The following DMD variants were observed in gnomAD, a reference collection of about 807,000 sequenced individuals.
DMD encodes the protein dystrophin.
Under a neutral mutation model 330.1 loss-of-function variants are expected in DMD, and 63 were observed. The observed-to-expected ratio is 0.19, with a 90% CI of 0.16 to 0.24. DMD has a LOEUF of 0.24. Among genes scored for constraint, DMD ranks in the 10% least tolerant of loss-of-function variants. DMD has a pLI of 1.00. For missense variants in DMD, 3,344 were observed against 2,684.1 expected (o/e 1.25, Z -5.43); for synonymous variants, 1,223 against 959.8 (o/e 1.27, Z -5.07).
intron 18 of DMD, among the ~76,000 whole-genome samples, chrX:32,509,189 TAAAAAA>T (rs76536849): frequency 5.8e-4 from 50 of 86,259 alleles, no homozygotes; most frequent in South Asian, 4.4e-3. Flanking sequence ...TAAAAAGTGT[TAAAAAA>T]AAAAAAAAAA....
At chrX:32,635,505 A>T (rs1156934845) in intron 11 of DMD, among the ~76,000 whole-genome samples, 1 of 112,169 alleles carries the variant, frequency 8.9e-6, no homozygotes, top group Non-Finnish European at 1.9e-5. Flanking sequence ...AGATATTTTT[A>T]AAATGTATGG....
intron 7 of DMD, among the ~76,000 whole-genome samples, chrX:32,746,465 G>A (rs1205542824): frequency 4.5e-5 from 5 of 111,730 alleles, no homozygotes; most frequent in Non-Finnish European, 5.6e-5. Context: ...CAGCATCAGC[G>A]TCACCTGGGA....
chrX:31,593,478 C>T (rs781205380), intron 55 of DMD, among the ~76,000 whole-genome samples: 2 of 111,377 alleles, frequency 1.8e-5, no homozygotes, highest in Non-Finnish European at 3.8e-5. Context: ...TGAAACTTTA[C>T]TCAATTGATG....
At chrX:31,590,423 C>A (rs1035398167) in intron 55 of DMD, among the ~76,000 whole-genome samples, 6 of 111,610 alleles carry the variant, frequency 5.4e-5, no homozygotes, top group Admixed American at 3.8e-4. Flanking sequence ...AGAACGACAT[C>A]ACCCACAAGA....
At chrX:32,821,351 G>A (rs773991816) in intron 5 of DMD, among the ~76,000 whole-genome samples, 135 of 110,903 alleles carry the variant, frequency 1.2e-3, no homozygotes, top group African/African-American at 4.3e-3. Context: ...TTGGGAGGCC[G>A]AGGCAGGAGG....
chrX:32,579,021 G>C (rs978736901), intron 13 of DMD, among the ~76,000 whole-genome samples: 3 of 110,887 alleles, frequency 2.7e-5, no homozygotes, highest in African/African-American at 9.9e-5. Context: ...TCTTACTGAT[G>C]TTGAAATGGA....
rs1335517714 is a variant in DMD, at chrX:32,645,005, T to G, written c.1108A>C (p.Asn370His). 2 of 1,209,891 alleles carry G rather than the reference T, an allele frequency of 1.7e-6. No individual in the cohort carries two copies. The highest frequency in any genetic ancestry group is 3.5e-5 in the African/African-American group (2 of 57,157). The change falls in exon 10 of 79, where the codon AAT (asparagine) becomes CAT (histidine). Residue 370 changes from asparagine to histidine, a missense_variant. Transcript: ENST00000357033. Reference protein sequence around the residue: ...DTLQAQGEISNDVEVVKDQFH... With the variant: ...DTLQAQGEISHDVEVVKDQFH... ...TGGTCTTTCACCACTTCCACATCAT[T>G]AGAAATCTCTCCTTGTGCTTGCAAT...
At chrX:31,999,886 C>T (rs1393570000) in intron 44 of DMD, among the ~76,000 whole-genome samples, 6 of 111,942 alleles carry the variant, frequency 5.4e-5, no homozygotes, top group Non-Finnish European at 3.8e-5. Flanking sequence ...TAATTTCACT[C>T]AGAACCAAGT....
intron 44 of DMD, among the ~76,000 whole-genome samples, chrX:32,054,147 G>C (rs2096144082): frequency 9.8e-6 from 1 of 102,210 alleles, no homozygotes; most frequent in Admixed American, 1.1e-4. Context: ...AGAGGACTGA[G>C]GAACCAAAAA....
At chrX:31,742,522 A>G (rs1164325791) in intron 51 of DMD, among the ~76,000 whole-genome samples, 3 of 112,017 alleles carry the variant, frequency 2.7e-5, no homozygotes, top group African/African-American at 6.5e-5. Context: ...GGAATGGCTG[A>G]TCAGTGGAGT....
chrX:32,265,483 G>A (rs1446575659), intron 43 of DMD, among the ~76,000 whole-genome samples: 2 of 112,367 alleles, frequency 1.8e-5, no homozygotes, highest in Non-Finnish European at 3.8e-5. Flanking sequence ...TGGGGTTGGA[G>A]CCCCCACATA....
chrX:32,247,220 C>T (rs1471514220), intron 43 of DMD, among the ~76,000 whole-genome samples: 1 of 111,590 alleles, frequency 9.0e-6, no homozygotes, highest in African/African-American at 3.3e-5. Flanking sequence ...TCAACATTTG[C>T]GAATCTTGTT....
chrX:31,151,083 A>G (rs62590083), intron 74 of DMD, among the ~76,000 whole-genome samples: 2,534 of 111,755 alleles, frequency 0.023, 39 homozygotes, highest in Admixed American at 0.049. Context: ...TCATCGAAGT[A>G]AGTACACCTT....
At chrX:33,260,856 TAAAC>T (rs1193725846) in intron 1 of DMD, among the ~76,000 whole-genome samples, 2 of 111,610 alleles carry the variant, frequency 1.8e-5, no homozygotes, top group African/African-American at 3.2e-5. Context: ...GTGTGTCTCC[TAAAC>T]AGTCATTGAT....
intron 62 of DMD, among the ~76,000 whole-genome samples, chrX:31,265,084 T>C (rs1194327626): frequency 8.9e-6 from 1 of 112,558 alleles, no homozygotes; most frequent in Non-Finnish European, 1.9e-5. Context: ...AAACTATCTG[T>C]CCACTACTTC....
intron 59 of DMD, among the ~76,000 whole-genome samples, chrX:31,458,192 T>C (rs1213484914): frequency 9.0e-6 from 1 of 111,315 alleles, no homozygotes; most frequent in Non-Finnish European, 1.9e-5. Context: ...TTCTGAGCAA[T>C]GTGGGCCCTC....
chrX:32,260,188 T>G (rs903836757), intron 43 of DMD, among the ~76,000 whole-genome samples: 1 of 111,133 alleles, frequency 9.0e-6, no homozygotes, highest in Non-Finnish European at 1.9e-5. Flanking sequence ...AGGTACTTGA[T>G]AGTTAGTGTC....
At position 31,368,658 on chromosome X, in the gene DMD, T is replaced by C. The variant is rs752507621; in HGVS notation, c.9085-20024A>G. 2.3e-3 allele frequency among the ~76,000 whole-genome samples: 251 copies of C among 110,850 alleles called. 1 individual carries two copies. Among genetic ancestry groups the C allele is most frequent in the African/African-American group, 7.7e-3 (234 of 30,493 alleles). ...TGCACCCAGGTCCCCCCGCCCTTTTTTTTTTGAGACAGAGTCTTGCTCTGT... is the reference window on the plus strand; with the variant it reads ...TGCACCCAGGTCCCCCCGCCCTTTTCTTTTTGAGACAGAGTCTTGCTCTGT... On this transcript the variant is annotated intron_variant, in intron 60 of 78. Coordinates refer to ENST00000357033, the MANE Select transcript of DMD (RefSeq NM_004006.3).
chrX:33,210,411 T>C (rs1397745231), intron 1 of DMD, among the ~76,000 whole-genome samples: 1 of 111,315 alleles, frequency 9.0e-6, no homozygotes, highest in African/African-American at 3.3e-5. Flanking sequence ...ATATTATTTT[T>C]ACTGTTGTGC....
Sources: gnomAD v4.1 joint callset for allele counts (sites outside exome capture counted in the v4.1 genomes callset) on GRCh38, gnomAD v4.1.1 for gene constraint, MANE v1.5 for transcripts, NCBI Gene and HGNC (gene_info 2026-07-23, HGNC 2026-07-21) for gene names.